Variants in MMS22L observed in about 807,000 individuals in gnomAD.
MMS22L encodes protein MMS22-like.
MMS22L carries 74 observed loss-of-function variants against 159.1 expected under a neutral mutation model. The ratio of observed to expected loss-of-function variants is 0.47; its 90% CI spans 0.39 to 0.56. The LOEUF (loss-of-function observed/expected upper bound fraction) is 0.56, where lower values mean the gene tolerates loss of function less well. Ranked by LOEUF, MMS22L falls within the 20% of genes least tolerant of loss-of-function variation. MMS22L has a pLI of 0.00. For synonymous variants in MMS22L, 517 were observed against 506.9 expected, an observed-to-expected ratio of 1.02 and a Z score of -0.27; for missense variants, 1,351 against 1,422.1, an observed-to-expected ratio of 0.95 and a Z score of 0.80.
At chr6:97,159,019 A>G (rs945592768) in intron 22 of MMS22L, among the ~76,000 whole-genome samples, 11 of 152,128 alleles carry the variant, frequency 7.2e-5, no homozygotes, top group Admixed American at 1.3e-4. Context: ...CATTTAGGAC[A>G]GTTAGCTCTT....
intron 23 of MMS22L, among the ~76,000 whole-genome samples, chr6:97,150,474 C>T (rs1447771289): frequency 6.6e-6 from 1 of 151,934 alleles, no homozygotes; most frequent in Non-Finnish European, 1.5e-5. Context: ...TTTTATGTTC[C>T]TTAACTGAAT....
At chr6:97,278,529 C>T (rs1195199970) in intron 4 of MMS22L, among the ~76,000 whole-genome samples, 3 of 152,032 alleles carry the variant, frequency 2.0e-5, no homozygotes, top group Non-Finnish European at 4.4e-5. Context: ...AAGAAGACAG[C>T]ATGAGGTCTG....
intron 9 of MMS22L, 99 bp downstream of exon 9, chr6:97,263,236 T>G: frequency 1.4e-6 from 1 of 729,664 alleles, no homozygotes; most frequent in Non-Finnish European, 2.3e-6. Flanking sequence ...ATTGCCTTAT[T>G]ATAAAAAAGG....
intron 14 of MMS22L, among the ~76,000 whole-genome samples, chr6:97,197,857 T>C (rs1219878993): frequency 6.6e-6 from 1 of 152,196 alleles, no homozygotes; most frequent in Non-Finnish European, 1.5e-5. Context: ...ATAATTACTA[T>C]GATATTAAGA....
At chr6:97,185,839 C>A (rs1486184262) in intron 15 of MMS22L, among the ~76,000 whole-genome samples, 1 of 152,074 alleles carries the variant, frequency 6.6e-6, no homozygotes, top group Non-Finnish European at 1.5e-5. Context: ...ATACTAATCA[C>A]TGTCTATTCC....
intron 11 of MMS22L, among the ~76,000 whole-genome samples, chr6:97,234,471 AGG>A (rs1811190157): frequency 6.6e-6 from 1 of 152,150 alleles, no homozygotes; most frequent in East Asian, 1.9e-4. Context: ...CAGGAGGAAA[AGG>A]AAGTAGAAAA....
intron 14 of MMS22L, among the ~76,000 whole-genome samples, chr6:97,190,630 T>C (rs1415429019): frequency 6.6e-6 from 1 of 152,238 alleles, no homozygotes; most frequent in African/African-American, 2.4e-5. Flanking sequence ...CAAAGTGTTT[T>C]ATAAGCATCG....
chr6:97,243,549 G>A (rs558186224), intron 11 of MMS22L, among the ~76,000 whole-genome samples: 15 of 152,142 alleles, frequency 9.9e-5, no homozygotes, highest in South Asian at 4.1e-4. Context: ...CTTAAGTAAC[G>A]TTAAGAATCG....
intron 14 of MMS22L, among the ~76,000 whole-genome samples, chr6:97,210,257 A>ATTT (rs925084843): frequency 2.0e-5 from 3 of 151,928 alleles, no homozygotes; most frequent in African/African-American, 7.2e-5. Context: ...AACCAAGGAG[A>ATTT]TATAAAAAGT....
At chr6:97,283,494 C>A (rs893147294), upstream of MMS22L, 3 of 152,248 alleles carry the variant, frequency 2.0e-5, no homozygotes, top group Non-Finnish European at 4.4e-5. Flanking sequence ...CCAGTGAGTG[C>A]GAAGTGAGTG....
In MMS22L at chr6:97,174,265, A is replaced by AT. The variant is rs371215084; in HGVS notation, c.2680-1044_2680-1043insA. ...AGACTGTCTCAAAAAAAAAATAAAA[A>AT]AAAAAAAAAAATAAAAAGAAAGTTT... On this transcript the variant is annotated intron_variant, in intron 18 of 24. Transcript: ENST00000683635. 4.9e-4 allele frequency among the ~76,000 whole-genome samples: 74 copies of AT among 150,086 alleles called. 1 individual carries two copies. The highest frequency in any genetic ancestry group is 1.8e-3 in the African/African-American group (72 of 39,942).
intron 7 of MMS22L, among the ~76,000 whole-genome samples, chr6:97,268,851 G>A (rs929304934): frequency 2.0e-5 from 3 of 151,730 alleles, no homozygotes; most frequent in Admixed American, 6.6e-5. Context: ...ATGTTTCTGT[G>A]TATGAATATA....
intron 5 of MMS22L, 24 bp downstream of exon 5, chr6:97,272,951 C>G (rs764422284): frequency 1.9e-6 from 3 of 1,607,484 alleles, no homozygotes; most frequent in East Asian, 4.5e-5. Context: ...ATGCAGTGAT[C>G]AAAATACTCA....
chr6:97,219,286 A>AAAATGAAGAAAAGAT, intron 14 of MMS22L, among the ~76,000 whole-genome samples: 1 of 152,184 alleles, frequency 6.6e-6, no homozygotes, highest in African/African-American at 2.4e-5. Context: ...TATTCACAAA[A>AAAATGAAGAAAAGAT]AAATGAAGAA....
intron 14 of MMS22L, among the ~76,000 whole-genome samples, chr6:97,225,586 C>CTTTTTTTTTTTTTTTTTT (rs1810148226): frequency 7.3e-6 from 1 of 136,614 alleles, no homozygotes; most frequent in African/African-American, 2.7e-5. Flanking sequence ...TTTTTTTTTT[C>CTTTTTTTTTTTTTTTTTT]TTTTGAGACC....
At chr6:97,249,053 G>A (rs1395970186) in intron 10 of MMS22L, among the ~76,000 whole-genome samples, 1 of 150,450 alleles carries the variant, frequency 6.6e-6, no homozygotes, top group Non-Finnish European at 1.5e-5. Context: ...CACCCAAAGA[G>A]CAACAATAGT....
At chr6:97,235,765 T>A (rs543989860) in intron 11 of MMS22L, among the ~76,000 whole-genome samples, 1 of 152,076 alleles carries the variant, frequency 6.6e-6, no homozygotes, top group Admixed American at 6.5e-5. Flanking sequence ...AATATTTAAG[T>A]GAAAATACAC....
At chr6:97,172,107 C>T (rs1051975453) in intron 19 of MMS22L, among the ~76,000 whole-genome samples, 2 of 152,112 alleles carry the variant, frequency 1.3e-5, no homozygotes, top group African/African-American at 2.4e-5. Flanking sequence ...AATCTGGAAA[C>T]AGAAAACTTT....
chr6:97,177,842 T>C (rs1804277618), intron 18 of MMS22L, among the ~76,000 whole-genome samples: 2 of 152,158 alleles, frequency 1.3e-5, no homozygotes, highest in African/African-American at 4.8e-5. Flanking sequence ...CTTTTACAAT[T>C]AATAGCTTAC....
Sources: allele counts gnomAD v4.1 joint callset (sites outside exome capture counted in the v4.1 genomes callset), GRCh38; gene constraint gnomAD v4.1.1; transcripts MANE v1.5; gene names NCBI Gene and HGNC (gene_info 2026-07-23, HGNC 2026-07-21).